Variants in SLC25A36 observed in about 807,000 individuals in gnomAD.
SLC25A36 encodes epididymis secretory sperm binding protein.
SLC25A36 carries 24 observed loss-of-function variants against 35.3 expected under a neutral mutation model. The observed-to-expected ratio is 0.68, with a 90% confidence interval of 0.49 to 0.96. The LOEUF (loss-of-function observed/expected upper bound fraction) is 0.96. Ranked by LOEUF, SLC25A36 falls within the 40% of genes least tolerant of loss-of-function variation. The pLI is 0.00. For synonymous variants in SLC25A36, 141 were observed against 132.2 expected (o/e 1.07, Z -0.46); for missense variants, 294 against 381.1 (o/e 0.77, Z 1.90).
At chr3:140,949,685 C>A (rs1353821872) in intron 1 of SLC25A36, among the ~76,000 whole-genome samples, 2 of 152,142 alleles carry the variant, frequency 1.3e-5, no homozygotes, top group Admixed American at 6.6e-5. Context: ...AAGAAACTCT[C>A]CTTTCTGAAT....
In SLC25A36 at chr3:140,980,984, G is replaced by C. The variant is rs1231989380; in HGVS notation, c.*4531G>C. 2.6e-5 allele frequency among the ~76,000 whole-genome samples: 4 copies of C among 152,106 alleles called. No individual in the cohort carries two copies. The highest frequency in any genetic ancestry group is 9.7e-5 in the African/African-American group (4 of 41,410). ...ATCCAATAAATACAGAGGAATATTA[G>C]TTACAACTGGAGTTTTTGACTTGAG... On this transcript the variant is annotated 3_prime_UTR_variant, in exon 7 of 7. Transcript: ENST00000324194.
chr3:140,946,351 A>G (rs1264174136), intron 1 of SLC25A36, among the ~76,000 whole-genome samples: 1 of 152,210 alleles, frequency 6.6e-6, no homozygotes. Flanking sequence ...AGAGTGAGAT[A>G]ATGAAGCAGG....
At chr3:140,952,811 C>T (rs994626236) in intron 1 of SLC25A36, among the ~76,000 whole-genome samples, 7 of 151,960 alleles carry the variant, frequency 4.6e-5, no homozygotes, top group South Asian at 2.1e-4. Flanking sequence ...TGTTTGTTTT[C>T]GTTTTAATTA....
At chr3:140,950,910 CTG>C (rs1439657339) in intron 1 of SLC25A36, among the ~76,000 whole-genome samples, 2 of 110,546 alleles carry the variant, frequency 1.8e-5, no homozygotes, top group East Asian at 2.9e-4. Flanking sequence ...CTGTGTGTGT[CTG>C]TGTGTCTGTG....
At chr3:140,961,825 C>T (rs577981919) in intron 3 of SLC25A36, among the ~76,000 whole-genome samples, 243 of 131,290 alleles carry the variant, frequency 1.9e-3, no homozygotes, top group African/African-American at 6.6e-3. Context: ...CACTGCACTC[C>T]GGCCTGGGCA....
In SLC25A36 at chr3:140,979,901, A is replaced by G. The variant is rs1341714831; in HGVS notation, c.*3448A>G. 1 of 152,206 alleles carries G rather than the reference A, an allele frequency of 6.6e-6. No individual in the cohort carries two copies. Among genetic ancestry groups the G allele is most frequent in the Non-Finnish European group, 1.5e-5 (1 of 68,030 alleles). The allele number at this position is 152,206 out of a possible 1,614,324, so 9.4% of individuals were successfully genotyped here. On this transcript the variant is annotated 3_prime_UTR_variant, in exon 7 of 7. Transcript: ENST00000324194. The stretch of plus-strand genomic sequence containing the variant: ...TGTTATCTAGCTGACTTTTACTTGA[A>G]TTGTTCAAATTTTAAAAATTAAAAT...
chr3:140,950,321 T>G lies in SLC25A36; in HGVS notation c.42-6206T>G, dbSNP rs540467227. ...AACTTTTGCTTAGTTATGTGAGTAC[T>G]CATACTTGAACATTTGTTTTCATAT... On this transcript the variant is annotated intron_variant, in intron 1 of 6. Coordinates refer to ENST00000324194, the MANE Select transcript of SLC25A36 (RefSeq NM_001104647.3). 1.6e-4 allele frequency among the ~76,000 whole-genome samples: 24 copies of G among 148,252 alleles called. No homozygotes were observed. The South Asian group carries it at 5.5e-3, about 34-fold the overall frequency.
intron 1 of SLC25A36, among the ~76,000 whole-genome samples, chr3:140,948,650 T>C (rs1170580229): frequency 6.6e-6 from 1 of 152,238 alleles, no homozygotes; most frequent in Non-Finnish European, 1.5e-5. Context: ...ATACAAATAT[T>C]GTTGACCTCA....
chr3:140,963,256 A>C, intron 4 of SLC25A36, 29 bp downstream of exon 4: 1 of 1,439,648 alleles, frequency 6.9e-7, no homozygotes, highest in Non-Finnish European at 9.4e-7. Flanking sequence ...AAAAAAAAAA[A>C]AAACTTTCTG....
At chr3:140,954,470 T>C (rs1466523427) in intron 1 of SLC25A36, among the ~76,000 whole-genome samples, 1 of 152,218 alleles carries the variant, frequency 6.6e-6, no homozygotes, top group Admixed American at 6.5e-5. Flanking sequence ...GACAAACTGC[T>C]TTCTAAAATG....
At position 140,976,489 on chromosome 3, in the gene SLC25A36, C is replaced by T; in HGVS notation, c.*36C>T. 2 of 1,546,390 alleles carry T rather than the reference C, an allele frequency of 1.3e-6. No individual in the cohort carries two copies. The highest frequency in any genetic ancestry group is 8.7e-7 in the Non-Finnish European group (1 of 1,145,854). ...ACTGCTGTACTGCAAAAAAAGAAGA[C>T]CAAAAGATTACAGTGGACCATGGGA... On this transcript the variant is annotated 3_prime_UTR_variant, in exon 7 of 7. Transcript: ENST00000324194.
chr3:140,971,095 A>T, intron 5 of SLC25A36, 102 bp downstream of exon 5: 3 of 595,674 alleles, frequency 5.0e-6, no homozygotes, highest in Middle Eastern at 3.4e-4. Flanking sequence ...TTGTTGTTGT[A>T]GTTTAATTTT....
chr3:140,975,522 A>G (rs1023997506), intron 6 of SLC25A36, among the ~76,000 whole-genome samples: 21 of 152,122 alleles, frequency 1.4e-4, no homozygotes, highest in African/African-American at 5.1e-4. Context: ...CCCATCTGGA[A>G]TACTGTGCTG....
intron 1 of SLC25A36, among the ~76,000 whole-genome samples, chr3:140,949,931 C>T (rs181442571): frequency 6.2e-4 from 94 of 152,312 alleles, no homozygotes; most frequent in African/African-American, 2.2e-3. Context: ...ATCACTGGAT[C>T]AGAGGGAAGT....
At position 140,977,484 on chromosome 3, in the gene SLC25A36, C is replaced by T. The variant is rs1413903948; in HGVS notation, c.*1031C>T. ...AATATTATAGACAAGGGCCCCCTTG[C>T]TGTCTGCTTTAGCAGGTAGTGACAT... On this transcript the variant is annotated 3_prime_UTR_variant, in exon 7 of 7. Transcript: ENST00000324194. 6.6e-6 allele frequency: 1 copy of T among 152,144 alleles called. No individual in the cohort carries two copies. Among genetic ancestry groups the T allele is most frequent in the Non-Finnish European group, 1.5e-5 (1 of 68,028 alleles). 9.4% of individuals were successfully genotyped at this position (152,144 alleles called of 1,614,324 possible).
intron 1 of SLC25A36, among the ~76,000 whole-genome samples, chr3:140,946,825 T>G (rs1934178431): frequency 6.6e-6 from 1 of 152,116 alleles, no homozygotes; most frequent in African/African-American, 2.4e-5. Context: ...AGCTGATTGT[T>G]TAAGTGATTG....
chr3:140,945,768 T>C (rs1333828587), intron 1 of SLC25A36, among the ~76,000 whole-genome samples: 3 of 149,002 alleles, frequency 2.0e-5, no homozygotes, highest in Non-Finnish European at 4.4e-5. Flanking sequence ...CAGTTTAACC[T>C]AAGAATGCTC....
At chr3:140,961,082 G>A (rs1934614918) in intron 3 of SLC25A36, among the ~76,000 whole-genome samples, 1 of 152,056 alleles carries the variant, frequency 6.6e-6, no homozygotes, top group Non-Finnish European at 1.5e-5. Flanking sequence ...TCCAAACCAT[G>A]TACCAGATCC....
intron 1 of SLC25A36, among the ~76,000 whole-genome samples, chr3:140,944,103 T>A (rs774344027): frequency 3.9e-5 from 6 of 152,244 alleles, no homozygotes; most frequent in Non-Finnish European, 8.8e-5. Context: ...ATAAGTGAGT[T>A]CAGTAAAACA....
Sources: allele counts gnomAD v4.1 joint callset (sites outside exome capture counted in the v4.1 genomes callset), GRCh38; gene constraint gnomAD v4.1.1; transcripts MANE v1.5; gene names NCBI Gene and HGNC (gene_info 2026-07-23, HGNC 2026-07-21).